Variants in SMG1 observed in about 807,000 individuals in gnomAD.
SMG1 encodes the protein serine/threonine-protein kinase SMG1.
In SMG1, 22 loss-of-function variants were observed where a neutral mutation model predicts 419.9. The observed-to-expected ratio is 0.05, with a 90% confidence interval of 0.04 to 0.07. The LOEUF (loss-of-function observed/expected upper bound fraction) is 0.07, where lower values mean the gene tolerates loss of function less well. Among genes scored for constraint, SMG1 ranks in the 10% least tolerant of loss-of-function variants. The pLI, the probability that SMG1 is intolerant of heterozygous loss-of-function variation, is 1.00. For missense variants in SMG1, 3,185 were observed against 4,342.0 expected, an observed-to-expected ratio of 0.73 and a Z score of 7.49; for synonymous variants, 1,538 against 1,553.5, an observed-to-expected ratio of 0.99 and a Z score of 0.23.
In SMG1 at chr16:18,892,317, C is replaced by T. The variant is rs763134686; in HGVS notation, c.450G>A (p.Ser150=). The change falls in exon 4 of 63, where the codon TCG becomes TCA. Residue 150 remains serine (S), a synonymous_variant. Coordinates refer to ENST00000446231, the MANE Select transcript of SMG1 (RefSeq NM_015092.5). Reference sequence around the variant, plus strand: ...CCCGGGTGATCCTCCGAAGAAGATTCGACAGTCGAGACTCATCAGAATAAG... The same window carrying T: ...CCCGGGTGATCCTCCGAAGAAGATTTGACAGTCGAGACTCATCAGAATAAG... ...SMSYSDESRL[S]NLLRRITRED... 14 of 1,549,584 alleles carry T rather than the reference C, an allele frequency of 9.0e-6. No individual in the cohort carries two copies. The highest frequency in any genetic ancestry group is 2.3e-4 in the Middle Eastern group (1 of 4,380).
Position 18,838,475 on chromosome 16 carries a change from G to A in SMG1, c.7085-9C>T, listed in dbSNP as rs2141275074. The A allele has an allele frequency of 1.2e-6, 2 of 1,613,956 alleles. No homozygotes were observed. Among genetic ancestry groups the A allele is most frequent in the East Asian group, 4.5e-5 (2 of 44,882 alleles). On this transcript the variant is annotated splice_polypyrimidine_tract_variant and intron_variant, in intron 43 of 62. Coordinates refer to ENST00000446231, the MANE Select transcript of SMG1 (RefSeq NM_015092.5). ...AACTCTAAGGCTTTTACCTTGAAAA[G>A]ACAAATCATTATATTTTTGCCCTTT...
At position 18,879,480 on chromosome 16, in the gene SMG1, G is replaced by C. The variant is rs2036291245; in HGVS notation, c.1518+15C>G. 5.4e-6 allele frequency: 4 copies of C among 742,248 alleles called. No individual in the cohort carries two copies. The highest frequency in any genetic ancestry group is 9.3e-6 in the Non-Finnish European group (4 of 428,938). The allele number at this position is 742,248 out of a possible 1,614,324, so 46.0% of individuals were successfully genotyped here. On this transcript the variant is annotated intron_variant, in intron 11 of 62. Transcript: ENST00000446231. ...TAAACCAACACATTAAAAAGGAAAA[G>C]AATAATTCACATACCAGCGTGAGTA...
chr16:18,812,377 A>G (rs956934574), intron 60 of SMG1, among the ~76,000 whole-genome samples: 3 of 152,154 alleles, frequency 2.0e-5, no homozygotes, highest in Non-Finnish European at 4.4e-5. Context: ...ACAGCCAGGC[A>G]TGATGGCTCA....
intron 1 of SMG1, among the ~76,000 whole-genome samples, chr16:18,918,000 C>T (rs1208705815): frequency 1.3e-5 from 2 of 151,866 alleles, no homozygotes; most frequent in African/African-American, 4.8e-5. Flanking sequence ...GTGGCTCACG[C>T]CTGTAATCCC....
intron 56 of SMG1, among the ~76,000 whole-genome samples, chr16:18,818,709 G>A (rs574943188): frequency 6.6e-6 from 1 of 152,182 alleles, no homozygotes; most frequent in African/African-American, 2.4e-5. Flanking sequence ...TATGAAGTAT[G>A]AGTATCATGT....
chr16:18,906,554 T>A (rs1186958976), intron 1 of SMG1, among the ~76,000 whole-genome samples: 3 of 152,150 alleles, frequency 2.0e-5, no homozygotes, highest in Non-Finnish European at 4.4e-5. Context: ...TAGGATTCCA[T>A]CTACTTCCAC....
Position 18,854,783 on chromosome 16 carries a change from C to G in SMG1, c.4356G>C (p.Gln1452His), listed in dbSNP as rs1596528195. Residue 1452 changes from glutamine (Q) to histidine (H), a missense_variant, in exon 30 of 63, where the codon CAG becomes CAC. Physicochemically the swap from Gln to His is conservative, Grantham distance 24 (BLOSUM62 0). Coordinates refer to ENST00000446231, the MANE Select transcript of SMG1 (RefSeq NM_015092.5). ...CCTGTGCAGTGGTGGTCTTTCCCAG[C>G]TGAACTTCACTGCACTGTGCCAGCA... ...TRLLAQCSEV[Q>H]LGKTTTAQDL... is the part of the protein sequence containing the mutation. 1.9e-6 allele frequency: 3 copies of G among 1,614,054 alleles called. No homozygotes were observed. The highest frequency in any genetic ancestry group is 3.3e-5 in the Admixed American group (2 of 60,032).
At chr16:18,918,116 C>T (rs778009873) in intron 1 of SMG1, among the ~76,000 whole-genome samples, 12 of 151,614 alleles carry the variant, frequency 7.9e-5, no homozygotes, top group South Asian at 2.1e-4. Context: ...AAAGATTAGC[C>T]GGGTGTGGTG....
chr16:18,827,742 A>ATT (rs1261979544), intron 55 of SMG1, among the ~76,000 whole-genome samples: 2 of 144,838 alleles, frequency 1.4e-5, no homozygotes, highest in Non-Finnish European at 3.0e-5. Flanking sequence ...CAAAATATAT[A>ATT]TTTTTATATA....
rs1176536071 is a variant in SMG1, at chr16:18,834,323, T to C, written c.8446A>G (p.Thr2816Ala). The change falls in exon 50 of 63, where the codon ACC (threonine) becomes GCC (alanine). Residue 2816 changes from threonine (T) to alanine (A), a missense_variant. Coordinates refer to ENST00000446231, the MANE Select transcript of SMG1 (RefSeq NM_015092.5). ...EELCSMSGNVTCLVQLLKQCH... is the reference protein window; with the variant it reads ...EELCSMSGNVACLVQLLKQCH... Reference sequence around the variant, plus strand: ...TGCTTCAGTAACTGAACCAAGCAGGTGACGTTTCCGCTCATACTGCAGAGT... The same window carrying C: ...TGCTTCAGTAACTGAACCAAGCAGGCGACGTTTCCGCTCATACTGCAGAGT... 1.9e-5 allele frequency: 31 copies of C among 1,613,270 alleles called. No homozygotes were observed. Among genetic ancestry groups the C allele is most frequent in the Non-Finnish European group, 2.6e-5 (31 of 1,179,714 alleles).
intron 22 of SMG1, among the ~76,000 whole-genome samples, chr16:18,867,748 G>A (rs539872634): frequency 1.2e-4 from 14 of 115,936 alleles, no homozygotes; most frequent in African/African-American, 4.1e-4. Flanking sequence ...TTGCTCTGTC[G>A]CCCAGGCTGG....
In SMG1 at chr16:18,849,291, T is replaced by C; in HGVS notation, c.5549A>G (p.Gln1850Arg). Residue 1850 changes from glutamine to arginine, a missense_variant, in exon 36 of 63, where the codon CAA (glutamine) becomes CGA (arginine). By Grantham distance (43) the Gln-to-Arg change is conservative (BLOSUM62 1). Transcript: ENST00000446231. ...SICNLLCRVA[Q>R]DSPHLILYPA... ...ATACAATATGAGATGTGGGGAATCT[T>C]GAGCCACACGGCAGAGAAGGTTACA... The C allele has an allele frequency of 6.2e-7, 1 of 1,613,842 alleles. No individual in the cohort carries two copies. The highest frequency in any genetic ancestry group is 8.5e-7 in the Non-Finnish European group (1 of 1,179,814).
intron 60 of SMG1, among the ~76,000 whole-genome samples, chr16:18,812,501 T>C (rs944837035): frequency 6.6e-6 from 1 of 151,914 alleles, no homozygotes; most frequent in Non-Finnish European, 1.5e-5. Flanking sequence ...AAATATACAA[T>C]GGTAATATGA....
At chr16:18,842,159 T>C (rs2033963690) in intron 40 of SMG1, 49 bp downstream of exon 40, 2 of 1,555,812 alleles carry the variant, frequency 1.3e-6, no homozygotes, top group Non-Finnish European at 1.7e-6. Context: ...CACAAAGCAT[T>C]AGTAAGACTA....
chr16:18,827,297 G>A (rs1273596133), intron 55 of SMG1, among the ~76,000 whole-genome samples: 2 of 151,634 alleles, frequency 1.3e-5, no homozygotes, highest in Admixed American at 6.6e-5. Flanking sequence ...ATGGTGGTGC[G>A]TGCCTGTAGT....
chr16:18,853,498 T>C (rs1269386366), intron 31 of SMG1, 85 bp downstream of exon 31: 6 of 1,155,024 alleles, frequency 5.2e-6, no homozygotes, highest in Non-Finnish European at 7.1e-6. Context: ...TGGAAAATTA[T>C]AGCCAGCATA....
intron 1 of SMG1, among the ~76,000 whole-genome samples, chr16:18,902,472 G>A (rs1210871993): frequency 6.6e-6 from 1 of 152,100 alleles, no homozygotes; most frequent in Non-Finnish European, 1.5e-5. Flanking sequence ...GGAGGCCCAG[G>A]CAGGCAGATC....
intron 41 of SMG1, 69 bp from the exon 42 acceptor site, chr16:18,840,015 T>A: frequency 3.2e-6 from 4 of 1,254,924 alleles, no homozygotes; most frequent in Non-Finnish European, 3.3e-6. Context: ...GTGCCTTTTG[T>A]ATGTAAAGTA....
Position 18,812,058 on chromosome 16 carries a change from T to G in SMG1, c.10691A>C (p.Gln3564Pro). 2 of 1,613,982 alleles carry G rather than the reference T, an allele frequency of 1.2e-6. No homozygotes were observed. Among genetic ancestry groups the G allele is most frequent in the South Asian group, 2.2e-5 (2 of 91,080 alleles). ...VMSQNARKLI[Q>P]KNLATSADTP... ...ATCAGCTGATGTAGCAAGATTTTTT[T>G]GGATCAGCTTTCTAGCATTCTGTGA... Residue 3564 changes from glutamine (Q) to proline (P), a missense_variant, in exon 61 of 63, where the codon CAA (glutamine) becomes CCA (proline). By Grantham distance (76) the Gln-to-Pro change is moderately conservative. This residue lies in a region of SMG1 where 737 missense variants were observed against 846.6 expected (regional missense o/e 0.87). Coordinates refer to ENST00000446231, the MANE Select transcript of SMG1 (RefSeq NM_015092.5).
Sources: gnomAD v4.1 joint callset for allele counts (sites outside exome capture counted in the v4.1 genomes callset) on GRCh38, gnomAD v4.1.1 for gene constraint, gnomAD v4.1.1 regional missense constraint, MANE v1.5 for transcripts, NCBI Gene and HGNC (gene_info 2026-07-23, HGNC 2026-07-21) for gene names.